The following MALRD1 variants were observed in gnomAD, a reference collection of about 807,000 sequenced individuals.
MALRD1 encodes MAM and LDL-receptor class A domain-containing protein 1.
In MALRD1, 247 loss-of-function variants were observed where a neutral mutation model predicts 242.1. The observed-to-expected ratio is 1.02, with a 90% CI of 0.92 to 1.13. MALRD1 has a LOEUF of 1.13. Ranked by LOEUF, MALRD1 falls within the 50% of genes most tolerant of loss-of-function variation. MALRD1 has a pLI of 0.00. For synonymous variants in MALRD1, 995 were observed against 866.6 expected, an observed-to-expected ratio of 1.15 and a Z score of -2.60; for missense variants, 2,989 against 2,533.1, an observed-to-expected ratio of 1.18 and a Z score of -3.86.
In MALRD1 at chr10:19,102,972, T is replaced by C. The variant is rs1179253396; in HGVS notation, c.598-1007T>C. ...AAGCAATTCTCCTGTCTTAGCCTCC[T>C]GAGTATATGGGATTATAGGTGCCCG... On this transcript the variant is annotated intron_variant, in intron 4 of 39. Coordinates refer to ENST00000454679, the MANE Select transcript of MALRD1 (RefSeq NM_001142308.3). 2.6e-5 allele frequency among the ~76,000 whole-genome samples: 4 copies of C among 151,886 alleles called. No individual in the cohort carries two copies. The East Asian group carries it at 7.8e-4, about 30-fold the overall frequency.
At chr10:19,559,433 C>G (rs1384319386) in intron 32 of MALRD1, among the ~76,000 whole-genome samples, 2 of 152,022 alleles carry the variant, frequency 1.3e-5, no homozygotes, top group Non-Finnish European at 2.9e-5. Flanking sequence ...CCTCTAAGCA[C>G]TGCTTCACTT....
intron 29 of MALRD1, among the ~76,000 whole-genome samples, chr10:19,483,956 T>C (rs556873209): frequency 6.6e-6 from 1 of 152,204 alleles, no homozygotes; most frequent in South Asian, 2.1e-4. Context: ...TAAAAAGGAA[T>C]GATATATCCT....
At chr10:19,322,179 C>T (rs191487084) in intron 21 of MALRD1, among the ~76,000 whole-genome samples, 59 of 152,120 alleles carry the variant, frequency 3.9e-4, no homozygotes, top group Non-Finnish European at 6.9e-4. Context: ...TAGATATGTG[C>T]ATGCAGTTTT....
At chr10:19,216,491 C>T (rs1465237186) in intron 18 of MALRD1, among the ~76,000 whole-genome samples, 4 of 152,146 alleles carry the variant, frequency 2.6e-5, no homozygotes, top group South Asian at 2.1e-4. Flanking sequence ...TCCCCACTCC[C>T]TGTTTCCTTC....
intron 32 of MALRD1, among the ~76,000 whole-genome samples, chr10:19,554,149 T>C (rs1172413671): frequency 1.3e-5 from 2 of 152,152 alleles, no homozygotes; most frequent in African/African-American, 2.4e-5. Flanking sequence ...TCCACTTGTG[T>C]TGCTAAGAAG....
chr10:19,602,154 CTTTT>C (rs35031620), intron 34 of MALRD1, among the ~76,000 whole-genome samples: 6 of 104,926 alleles, frequency 5.7e-5, no homozygotes, highest in Non-Finnish European at 7.6e-5. Flanking sequence ...TGCCAATTTT[CTTTT>C]TTTTTTTTTT....
chr10:19,491,366 G>GA, intron 29 of MALRD1, 151 bp from the exon 30 acceptor site: 3 of 911,466 alleles, frequency 3.3e-6, no homozygotes, highest in Non-Finnish European at 5.0e-6. Context: ...GTGGGACTGA[G>GA]AAAGAGGAAG....
intron 18 of MALRD1, among the ~76,000 whole-genome samples, chr10:19,239,063 CT>C (rs35623542): frequency 0.82 from 112,750 of 136,844 alleles, 46,243 homozygotes; most frequent in East Asian, 0.99. Context: ...TTGTCCTTTT[CT>C]TTTTTTTTTT....
chr10:19,388,545 T>TA (rs1846187098), intron 27 of MALRD1, among the ~76,000 whole-genome samples: 1 of 152,294 alleles, frequency 6.6e-6, no homozygotes, highest in Admixed American at 6.5e-5. Flanking sequence ...TTTGAGATGA[T>TA]AAAATTTGAC....
At chr10:19,445,443 G>GT in intron 28 of MALRD1, among the ~76,000 whole-genome samples, 1 of 152,152 alleles carries the variant, frequency 6.6e-6, no homozygotes, top group African/African-American at 2.4e-5. Flanking sequence ...CATCTTTGTG[G>GT]TTTTATCTAC....
intron 28 of MALRD1, among the ~76,000 whole-genome samples, chr10:19,415,701 A>G (rs1421016478): frequency 6.6e-6 from 1 of 152,220 alleles, no homozygotes; most frequent in Middle Eastern, 3.2e-3. Context: ...CTAAAAGATC[A>G]TTATTTTTTA....
chr10:19,487,943 A>G (rs1029308853), intron 29 of MALRD1, among the ~76,000 whole-genome samples: 1 of 152,164 alleles, frequency 6.6e-6, no homozygotes, highest in Non-Finnish European at 1.5e-5. Context: ...ATGCACTTTT[A>G]GTCAAGTCTG....
chr10:19,549,117 C>G lies in MALRD1; in HGVS notation c.5478+17766C>G, dbSNP rs117233672. The stretch of plus-strand genomic sequence containing the variant: ...CCTTAAGCCAAAGCCTAATCCAGAG[C>G]AAGACCCAACTCTCTTCAGTTTGGC... On this transcript the variant is annotated intron_variant, in intron 32 of 39. Transcript: ENST00000454679. 6.4e-4 allele frequency among the ~76,000 whole-genome samples: 97 copies of G among 152,288 alleles called. 2 individuals carry two copies. In the East Asian group the frequency reaches 0.018, roughly 28 times the overall value.
chr10:19,438,698 T>C (rs1317706894), intron 28 of MALRD1, among the ~76,000 whole-genome samples: 1 of 152,196 alleles, frequency 6.6e-6, no homozygotes, highest in East Asian at 1.9e-4. Context: ...TCAGTGTGTG[T>C]GAAATAGACT....
At position 19,103,963 on chromosome 10, in the gene MALRD1, T is replaced by G. The variant is rs952046397; in HGVS notation, c.598-16T>G. 3 of 1,228,304 alleles carry G rather than the reference T, an allele frequency of 2.4e-6. No individual in the cohort carries two copies. The highest frequency in any genetic ancestry group is 3.1e-6 in the Non-Finnish European group (3 of 983,190). 76.1% of individuals were successfully genotyped at this position (1,228,304 alleles called of 1,614,324 possible). A position where few individuals can be genotyped will look rare whatever the true frequency, so the allele number is the denominator to read the frequency against. ...TTTATGTTTTTGTTTTGTTTTGTTT[T>G]GTTTTTCTGGTGCAGGTTGTTTTTG... On this transcript the variant is annotated splice_polypyrimidine_tract_variant and intron_variant, in intron 4 of 39. Transcript: ENST00000454679.
At position 19,237,874 on chromosome 10, in the gene MALRD1, T is replaced by G. The variant is rs1364402421; in HGVS notation, c.2992-19810T>G. Among the ~76,000 whole-genome samples the G allele has an allele frequency of 4.5e-4, 46 of 101,142 alleles. 1 individual carries two copies. In the South Asian group the frequency reaches 0.013, roughly 30 times the overall value. 66.4% of individuals were successfully genotyped at this position (101,142 alleles called of 152,430 possible). A position where few individuals can be genotyped will look rare whatever the true frequency, so the allele number is the denominator to read the frequency against. ...ATAGTTATATATAATTATATAGAAT[T>G]TTATATAGTTATATACATTATAAAT... On this transcript the variant is annotated intron_variant, in intron 18 of 39. Coordinates refer to ENST00000454679, the MANE Select transcript of MALRD1 (RefSeq NM_001142308.3).
chr10:19,142,683 T>G (rs774036764), intron 10 of MALRD1, among the ~76,000 whole-genome samples: 140 of 152,200 alleles, frequency 9.2e-4, no homozygotes, highest in Non-Finnish European at 3.1e-4. Flanking sequence ...GTAATCAAAA[T>G]CATTGTTTTA....
chr10:19,378,980 G>A (rs1845723979), intron 26 of MALRD1, among the ~76,000 whole-genome samples: 1 of 152,054 alleles, frequency 6.6e-6, no homozygotes, highest in South Asian at 2.1e-4. Flanking sequence ...TTCTATCCAT[G>A]TAATAGTTGT....
intron 28 of MALRD1, among the ~76,000 whole-genome samples, 169 bp from the exon 29 acceptor site, chr10:19,450,138 C>A (rs1239489328): frequency 6.6e-6 from 1 of 152,154 alleles, no homozygotes; most frequent in African/African-American, 2.4e-5. Context: ...TTGGGTTTGA[C>A]AAGAATGACT....
Sources: allele counts gnomAD v4.1 joint callset (sites outside exome capture counted in the v4.1 genomes callset), GRCh38; gene constraint gnomAD v4.1.1; transcripts MANE v1.5; gene names NCBI Gene and HGNC (gene_info 2026-07-23, HGNC 2026-07-21).